Variants in SKIC3 observed in about 807,000 individuals in gnomAD.
The protein encoded by SKIC3 is superkiller complex protein 3.
At chr5:95,530,343 T>C in the SKIC3 span, 6 of 1,124,864 alleles carry the variant, frequency 5.3e-6, no homozygotes, top group Middle Eastern at 6.3e-4. Flanking sequence ...CTTCACCACA[T>C]GCTGACTCCA....
the SKIC3 span, chr5:95,528,996 A>C: frequency 6.2e-7 from 1 of 1,613,318 alleles, no homozygotes; most frequent in Non-Finnish European, 8.5e-7. Flanking sequence ...AAGTATCAAA[A>C]ATACCTTGAC....
chr5:95,478,203 A>G, the SKIC3 span: 1 of 1,475,270 alleles, frequency 6.8e-7, no homozygotes, highest in South Asian at 1.2e-5. Context: ...CAGGACTTCA[A>G]TTGAATATTA....
the SKIC3 span, among the ~76,000 whole-genome samples, chr5:95,489,520 T>TA: frequency 2.2e-3 from 256 of 116,630 alleles, no homozygotes; most frequent in South Asian, 9.4e-3. Flanking sequence ...GGCAACCAGT[T>TA]AAAAAAAAAA....
the SKIC3 span, among the ~76,000 whole-genome samples, chr5:95,551,629 T>G: frequency 1.3e-5 from 2 of 152,226 alleles, no homozygotes. Context: ...AATCTAGTTT[T>G]ATCACTCAGT....
At chr5:95,536,559 C>T in the SKIC3 span, 2 of 412,566 alleles carry the variant, frequency 4.8e-6, no homozygotes, top group Non-Finnish European at 8.7e-6. Flanking sequence ...TCAAGACCCC[C>T]TCCAATTTCC....
At chr5:95,478,378 CTCTT>C in the SKIC3 span, 1 of 1,614,022 alleles carries the variant, frequency 6.2e-7, no homozygotes, top group Non-Finnish European at 8.5e-7. Context: ...CAATTGTAGA[CTCTT>C]TCTGTAACAC....
At chr5:95,509,425 C>T in the SKIC3 span, among the ~76,000 whole-genome samples, 1 of 152,134 alleles carries the variant, frequency 6.6e-6, no homozygotes, top group Non-Finnish European at 1.5e-5. Context: ...AGATTGATTC[C>T]AGGCCACGCA....
the SKIC3 span, among the ~76,000 whole-genome samples, chr5:95,465,181 T>C: frequency 0.24 from 36,583 of 151,892 alleles, 5,758 homozygotes; most frequent in African/African-American, 0.44. Flanking sequence ...CTGCTGGCCT[T>C]GGTCTCCCAA....
the SKIC3 span, among the ~76,000 whole-genome samples, chr5:95,542,495 C>G: frequency 6.7e-6 from 1 of 149,768 alleles, no homozygotes; most frequent in African/African-American, 2.5e-5. Context: ...TATGATCAAA[C>G]AAAAAAAAAT....
the SKIC3 span, chr5:95,503,117 TG>T: frequency 8.9e-7 from 1 of 1,128,120 alleles, no homozygotes; most frequent in Non-Finnish European, 1.3e-6. Flanking sequence ...ATTATATCTT[TG>T]TATTCTCCTG....
At chr5:95,536,707 A>G in the SKIC3 span, 65 of 888,770 alleles carry the variant, frequency 7.3e-5, no homozygotes, top group African/African-American at 9.2e-4. Context: ...GTCCAGAAAC[A>G]CAGAAACAAC....
At chr5:95,493,896 GT>G in the SKIC3 span, among the ~76,000 whole-genome samples, 1 of 152,002 alleles carries the variant, frequency 6.6e-6, no homozygotes, top group East Asian at 1.9e-4. Context: ...TTTTCCAGTA[GT>G]GGTGATGGAA....
chr5:95,532,800 G>A, the SKIC3 span, among the ~76,000 whole-genome samples: 1 of 152,084 alleles, frequency 6.6e-6, no homozygotes, highest in African/African-American at 2.4e-5. Context: ...AATTCCAAGG[G>A]TAGAGGGTAT....
the SKIC3 span, among the ~76,000 whole-genome samples, chr5:95,508,410 C>T: frequency 6.6e-6 from 1 of 152,198 alleles, no homozygotes; most frequent in East Asian, 1.9e-4. Flanking sequence ...CTACCACTCT[C>T]CAGCTGGTCA....
At chr5:95,536,728 T>C in the SKIC3 span, 3 of 1,028,508 alleles carry the variant, frequency 2.9e-6, no homozygotes, top group Non-Finnish European at 4.6e-6. Flanking sequence ...ACCTTAAACA[T>C]GGTAGACACT....
the SKIC3 span, chr5:95,498,225 T>A: frequency 1.3e-6 from 1 of 755,614 alleles, no homozygotes; most frequent in African/African-American, 1.8e-5. Context: ...GTCAGTTACC[T>A]GGTCCTGTGT....
the SKIC3 span, chr5:95,525,451 G>A: frequency 3.1e-6 from 5 of 1,613,648 alleles, no homozygotes; most frequent in African/African-American, 2.7e-5. Flanking sequence ...AAGCCTCAAG[G>A]GCATGAACTT....
chr5:95,494,841 C>A, the SKIC3 span: 123 of 1,606,070 alleles, frequency 7.7e-5, no homozygotes, highest in African/African-American at 1.3e-3. Flanking sequence ...AGCTCCCTCT[C>A]TTTCAAACTG....
the SKIC3 span, chr5:95,469,747 C>T: frequency 1.2e-6 from 2 of 1,612,516 alleles, no homozygotes; most frequent in Non-Finnish European, 1.7e-6. Context: ...AGTGAAGAAG[C>T]ATTTATAAGA....
Sources: gnomAD v4.1 joint callset for allele counts (sites outside exome capture counted in the v4.1 genomes callset) on GRCh38, gnomAD v4.1.1 for gene constraint, MANE v1.5 for transcripts, NCBI Gene and HGNC (gene_info 2026-07-23, HGNC 2026-07-21) for gene names.